The following ERCC6L2 variants were observed in gnomAD, a reference collection of about 807,000 sequenced individuals.
ERCC6L2 encodes DNA excision repair protein ERCC-6-like 2.
A neutral mutation model predicts 132.0 loss-of-function variants in ERCC6L2; 77 were observed. That is an observed-to-expected ratio of 0.58 (90% confidence interval 0.49 to 0.71). The LOEUF is 0.71. Among genes scored for constraint, ERCC6L2 ranks in the 30% least tolerant of loss-of-function variants. The pLI, the probability that ERCC6L2 is intolerant of heterozygous loss-of-function variation, is 0.00. For synonymous variants in ERCC6L2, 583 were observed against 632.4 expected, an observed-to-expected ratio of 0.92 and a Z score of 1.17; for missense variants, 1,542 against 1,837.6, an observed-to-expected ratio of 0.84 and a Z score of 2.94.
chr9:95,971,890 A>G lies in ERCC6L2; in HGVS notation c.2182-43A>G, dbSNP rs13297441. 7.7e-3 allele frequency: 9,323 copies of G among 1,210,386 alleles called. 310 individuals carry two copies. The Admixed American group carries it at 0.1, about 13-fold the overall frequency. 75.0% of individuals were successfully genotyped at this position (1,210,386 alleles called of 1,614,324 possible). A position where few individuals can be genotyped will look rare whatever the true frequency, so the allele number is the denominator to read the frequency against. On this transcript the variant is annotated intron_variant, in intron 15 of 18. Coordinates refer to ENST00000653738, the MANE Select transcript of ERCC6L2 (RefSeq NM_020207.7). ...TACTTTTCAGTTGATTCCACATTAT[A>G]TCTTGAGGTTTTCTGATGTTTTTGT...
rs142932638 is a variant in ERCC6L2, at chr9:95,937,629, A to G, written c.1752-3825A>G. ...TCTAACTTATTGAATTTATGACCAT[A>G]AAATTTTTTATAGTATTCATTTATC... On this transcript the variant is annotated intron_variant, in intron 11 of 18. Transcript: ENST00000653738. Among the ~76,000 whole-genome samples the G allele has an allele frequency of 1.6e-3, 246 of 152,162 alleles. 1 individual carries two copies. Among genetic ancestry groups the G allele is most frequent in the African/African-American group, 5.6e-3 (234 of 41,552 alleles).
chr9:95,978,613 A>C (rs1832769754), intron 17 of ERCC6L2, among the ~76,000 whole-genome samples: 1 of 152,210 alleles, frequency 6.6e-6, no homozygotes, highest in African/African-American at 2.4e-5. Flanking sequence ...TAGAAAACTC[A>C]TTTCATATAG....
intron 2 of ERCC6L2, among the ~76,000 whole-genome samples, chr9:95,889,843 G>A (rs1395564337): frequency 6.6e-6 from 1 of 152,116 alleles, no homozygotes; most frequent in African/African-American, 2.4e-5. Context: ...TTTATAAAAT[G>A]AAAATTGTGA....
At chr9:95,982,913 G>T (rs1832949252) in intron 17 of ERCC6L2, among the ~76,000 whole-genome samples, 1 of 152,068 alleles carries the variant, frequency 6.6e-6, no homozygotes, top group Non-Finnish European at 1.5e-5. Context: ...CTGCTAGCTG[G>T]AGGCTACGAG....
Position 96,012,557 on chromosome 9 carries a change from C to A in ERCC6L2, c.4007C>A (p.Ser1336Ter). ...VCSLKTYKRK[S>*]VKFQNHISYR... ...AGCCTAAAAACATATAAAAGAAAAT[C>A]AGTTAAGTTTCAGAATCATATTTCC... is the stretch of plus-strand genomic sequence containing the variant. The change falls in exon 19 of 19, where the codon TCA becomes TAA. Residue 1336 changes from serine (S) to a stop codon, truncating the protein, a stop_gained. Coordinates refer to ENST00000653738, the MANE Select transcript of ERCC6L2 (RefSeq NM_020207.7). LOFTEE classifies it low-confidence loss of function (END_TRUNC). 2.9e-6 allele frequency: 4 copies of A among 1,367,270 alleles called. No individual in the cohort carries two copies. The highest frequency in any genetic ancestry group is 3.9e-6 in the Non-Finnish European group (4 of 1,021,676). The allele number at this position is 1,367,270 out of a possible 1,614,324, so 84.7% of individuals were successfully genotyped here.
In ERCC6L2 at chr9:95,963,739, C is replaced by T. The variant is rs543773132; in HGVS notation, c.1948-2823C>T. Among the ~76,000 whole-genome samples, 19 of 152,136 alleles carry T rather than the reference C, an allele frequency of 1.2e-4. No homozygotes were observed. In the South Asian group the frequency reaches 3.7e-3, roughly 30 times the overall value. On this transcript the variant is annotated intron_variant, in intron 13 of 18. Coordinates refer to ENST00000653738, the MANE Select transcript of ERCC6L2 (RefSeq NM_020207.7). ...ATTATCCAGGCTTTGTCTTTCAAGA[C>T]CTTGACAGCTTTAAAGAATAAGGCC...
At chr9:96,027,921 G>A (rs1232853176) in intron 19 of ERCC6L2, 1 of 152,322 alleles carries the variant, frequency 6.6e-6, no homozygotes, top group Non-Finnish European at 1.5e-5. Context: ...AGGCAGCAGA[G>A]CTGGGAGCGC....
At chr9:95,923,408 A>C in intron 9 of ERCC6L2, 29 bp downstream of exon 9, 1 of 1,610,072 alleles carries the variant, frequency 6.2e-7, no homozygotes, top group Non-Finnish European at 8.5e-7. Context: ...GGTTGCATAC[A>C]GACATGATAC....
In ERCC6L2 at chr9:95,933,750, G is replaced by A. The variant is rs140092080; in HGVS notation, c.1751+4886G>A. On this transcript the variant is annotated intron_variant, in intron 11 of 18. Transcript: ENST00000653738. ...TCCCAGCTACTCAGGAGGCTGAGAC[G>A]GGAGAATTGTTTGAACCCAGGAGGT... Among the ~76,000 whole-genome samples, 884 of 151,394 alleles carry A rather than the reference G, an allele frequency of 5.8e-3. 6 individuals carry two copies. The highest frequency in any genetic ancestry group is 8.9e-3 in the Non-Finnish European group (604 of 67,874).
At chr9:95,922,616 TAAG>T (rs1482651519) in intron 8 of ERCC6L2, among the ~76,000 whole-genome samples, 198 bp downstream of exon 8, 1 of 152,204 alleles carries the variant, frequency 6.6e-6, no homozygotes, top group African/African-American at 2.4e-5. Flanking sequence ...TAATTTAAAA[TAAG>T]AACTATCTTT....
In ERCC6L2 at chr9:95,911,852, C is replaced by T. The variant is rs141595673; in HGVS notation, c.789-3816C>T. On this transcript the variant is annotated intron_variant, in intron 4 of 18. Transcript: ENST00000653738. Reference sequence around the variant, plus strand: ...TAGTGAAAAACTGCAGTTCACTGTCCGCCAATTACCTTTACCTCAACTCTT... The same window carrying T: ...TAGTGAAAAACTGCAGTTCACTGTCTGCCAATTACCTTTACCTCAACTCTT... 6.4e-3 allele frequency among the ~76,000 whole-genome samples: 976 copies of T among 152,242 alleles called. 4 individuals carry two copies. The highest frequency in any genetic ancestry group is 0.01 in the Non-Finnish European group (690 of 68,002).
At chr9:95,928,328 G>C (rs1460284033) in intron 10 of ERCC6L2, 178 bp downstream of exon 10, 4 of 469,086 alleles carry the variant, frequency 8.5e-6, no homozygotes, top group East Asian at 6.5e-5. Flanking sequence ...ATTGTTTCAG[G>C]GTTGCTAAAT....
At chr9:95,940,661 G>T (rs1043133033) in intron 11 of ERCC6L2, among the ~76,000 whole-genome samples, 14 of 151,430 alleles carry the variant, frequency 9.2e-5, no homozygotes, top group African/African-American at 3.4e-4. Context: ...ATTTGTTGAG[G>T]TTTGTTTTAT....
intron 13 of ERCC6L2, among the ~76,000 whole-genome samples, chr9:95,959,456 G>A (rs898577777): frequency 6.6e-6 from 1 of 151,730 alleles, no homozygotes; most frequent in Non-Finnish European, 1.5e-5. Context: ...ATACCATTCA[G>A]GACATAGGCA....
At chr9:95,952,065 G>A (rs1831358114) in intron 12 of ERCC6L2, among the ~76,000 whole-genome samples, 1 of 150,526 alleles carries the variant, frequency 6.6e-6, no homozygotes, top group Non-Finnish European at 1.5e-5. Context: ...CTACTCGGGA[G>A]GCTGAGGCAG....
intron 19 of ERCC6L2, among the ~76,000 whole-genome samples, chr9:96,036,760 A>ATTT (rs199913565): frequency 4.9e-5 from 5 of 102,546 alleles, no homozygotes; most frequent in African/African-American, 1.3e-4. Context: ...TATTATTATT[A>ATTT]TTATTTTTAT....
At chr9:95,942,937 A>G (rs1474774187) in intron 12 of ERCC6L2, among the ~76,000 whole-genome samples, 1 of 152,190 alleles carries the variant, frequency 6.6e-6, no homozygotes, top group Admixed American at 6.5e-5. Context: ...AGGAAAAGAT[A>G]CATTGTTAAC....
intron 11 of ERCC6L2, among the ~76,000 whole-genome samples, chr9:95,934,761 A>C (rs1245080168): frequency 6.6e-6 from 1 of 152,190 alleles, no homozygotes; most frequent in East Asian, 1.9e-4. Context: ...ATACTGCAAA[A>C]GTAAAATTTT....
intron 16 of ERCC6L2, among the ~76,000 whole-genome samples, chr9:95,977,212 C>T (rs1413853123): frequency 6.6e-6 from 1 of 152,092 alleles, no homozygotes; most frequent in East Asian, 1.9e-4. Context: ...AAACTGTGTG[C>T]CATGTATAGT....
Sources: allele counts gnomAD v4.1 joint callset (sites outside exome capture counted in the v4.1 genomes callset), GRCh38; gene constraint gnomAD v4.1.1; transcripts MANE v1.5; gene names NCBI Gene and HGNC (gene_info 2026-07-23, HGNC 2026-07-21).